ABCG2: variants seen among roughly 807,000 people sequenced by gnomAD.
ABCG2 encodes the protein ATP binding cassette subfamily G member 2 (JR blood group), also known as broad substrate specificity ATP-binding cassette transporter ABCG2.
A neutral mutation model predicts 73.5 loss-of-function variants in ABCG2; 80 were observed. The observed-to-expected ratio is 1.09, with a 90% CI of 0.91 to 1.31. The LOEUF (loss-of-function observed/expected upper bound fraction) is 1.31, where lower values mean the gene tolerates loss of function less well. ABCG2 is among the 50% of genes most tolerant of loss of function. ABCG2 has a pLI of 0.00. For synonymous variants in ABCG2, 269 were observed against 282.4 expected (o/e 0.95, Z 0.48); for missense variants, 796 against 786.2 (o/e 1.01, Z -0.15).
At chr4:88,184,416 A>G (rs1430279951) in intron 1 of ABCG2, among the ~76,000 whole-genome samples, 1 of 152,200 alleles carries the variant, frequency 6.6e-6, no homozygotes, top group Non-Finnish European at 1.5e-5. Flanking sequence ...TCAGTAGCAA[A>G]CAATCTAAAA....
At chr4:88,198,966 A>G (rs114961696) in intron 1 of ABCG2, among the ~76,000 whole-genome samples, 2,089 of 152,048 alleles carry the variant, frequency 0.014, 18 homozygotes, top group Middle Eastern at 0.037. Context: ...GTGTGTGTAT[A>G]TATATATATA....
intron 1 of ABCG2, among the ~76,000 whole-genome samples, chr4:88,230,665 C>T (rs771986554): frequency 6.6e-6 from 1 of 152,096 alleles, no homozygotes; most frequent in Non-Finnish European, 1.5e-5. Flanking sequence ...AGGTGCTCAA[C>T]ATAAATCATG....
chr4:88,095,397 A>G (rs2110172940), intron 14 of ABCG2, 123 bp downstream of exon 14: 2 of 832,454 alleles, frequency 2.4e-6, no homozygotes, highest in East Asian at 5.4e-5. Flanking sequence ...CCTTGCTCCT[A>G]AAAGGGAGTT....
At chr4:88,150,214 G>A (rs189407066) in intron 1 of ABCG2, among the ~76,000 whole-genome samples, 30 of 152,270 alleles carry the variant, frequency 2.0e-4, no homozygotes, top group Non-Finnish European at 1.5e-5. Flanking sequence ...CTACTTGGGA[G>A]ACTGAGGCAC....
At chr4:88,130,900 C>T (rs1724810856) in intron 5 of ABCG2, among the ~76,000 whole-genome samples, 161 bp downstream of exon 5, 1 of 152,104 alleles carries the variant, frequency 6.6e-6, no homozygotes, top group South Asian at 2.1e-4. Flanking sequence ...AGGTTAATTT[C>T]CACGTTCATA....
intron 1 of ABCG2, among the ~76,000 whole-genome samples, chr4:88,140,634 A>G (rs946221348): frequency 6.6e-6 from 1 of 152,034 alleles, no homozygotes; most frequent in Non-Finnish European, 1.5e-5. Context: ...AAACAAAGGG[A>G]AAAAAAAGAA....
intron 1 of ABCG2, among the ~76,000 whole-genome samples, chr4:88,194,549 CAAAAAAAAAAAAAAAAAAAAAAA>C (rs58945293): frequency 7.6e-5 from 4 of 52,554 alleles, no homozygotes; most frequent in Non-Finnish European, 1.2e-4. Context: ...GACTCCGTCT[CAAAAAAAAAAAAAAAAAAAAAAA>C]AAAAAAAAAA....
At chr4:88,169,471 A>C (rs1269120631) in intron 1 of ABCG2, among the ~76,000 whole-genome samples, 1 of 152,126 alleles carries the variant, frequency 6.6e-6, no homozygotes, top group African/African-American at 2.4e-5. Flanking sequence ...TTATGAGTAC[A>C]GTGTAATTTA....
At chr4:88,110,738 A>G (rs1442158056) in intron 9 of ABCG2, among the ~76,000 whole-genome samples, 1 of 152,180 alleles carries the variant, frequency 6.6e-6, no homozygotes, top group African/African-American at 2.4e-5. Context: ...TTCACACTAA[A>G]ACGGTAGAGC....
At chr4:88,104,715 G>C (rs1291985117) in intron 10 of ABCG2, among the ~76,000 whole-genome samples, 1 of 151,788 alleles carries the variant, frequency 6.6e-6, no homozygotes, top group Non-Finnish European at 1.5e-5. Flanking sequence ...ATGAGCCCAG[G>C]AGTTCAAAGC....
chr4:88,097,798 T>C (rs2110178828), intron 12 of ABCG2, among the ~76,000 whole-genome samples, 191 bp from the exon 13 acceptor site: 1 of 152,368 alleles, frequency 6.6e-6, no homozygotes. Flanking sequence ...AGTTCTCTTA[T>C]AACACTTATG....
intron 1 of ABCG2, among the ~76,000 whole-genome samples, chr4:88,148,960 G>C (rs1726247175): frequency 6.6e-6 from 1 of 152,134 alleles, no homozygotes; most frequent in Non-Finnish European, 1.5e-5. Flanking sequence ...TCTTTGAATA[G>C]AAACAAATGA....
At chr4:88,191,884 C>T (rs976860655) in intron 1 of ABCG2, among the ~76,000 whole-genome samples, 3 of 151,978 alleles carry the variant, frequency 2.0e-5, no homozygotes, top group East Asian at 3.8e-4. Context: ...TAATGAAACA[C>T]GCAGAAAGGC....
intron 1 of ABCG2, among the ~76,000 whole-genome samples, chr4:88,141,715 T>TG (rs1351326912): frequency 6.6e-6 from 1 of 152,186 alleles, no homozygotes; most frequent in Non-Finnish European, 1.5e-5. Context: ...GAAGGCTGCC[T>TG]GATTCACGAA....
chr4:88,197,716 G>A (rs1295973553), intron 1 of ABCG2, among the ~76,000 whole-genome samples: 9 of 152,016 alleles, frequency 5.9e-5, no homozygotes, highest in Non-Finnish European at 1.0e-4. Flanking sequence ...GAGGCAGGTG[G>A]ATCAGTCGGG....
chr4:88,186,947 G>C (rs1228451178), intron 1 of ABCG2, among the ~76,000 whole-genome samples: 3 of 147,610 alleles, frequency 2.0e-5, no homozygotes, highest in Non-Finnish European at 4.5e-5. Context: ...AAAAAATTTA[G>C]CCGGGCATGG....
intron 1 of ABCG2, among the ~76,000 whole-genome samples, chr4:88,156,882 A>T (rs970785112): frequency 6.6e-6 from 1 of 152,192 alleles, no homozygotes; most frequent in Admixed American, 6.5e-5. Context: ...AGGCAGGAGG[A>T]TCACTAGAGG....
At position 88,091,679 on chromosome 4, in the gene ABCG2, A is replaced by G. The variant is rs1377479148; in HGVS notation, c.*555T>C. On this transcript the variant is annotated 3_prime_UTR_variant, in exon 16 of 16. Transcript: ENST00000237612. ...CTGAGATATTATACCACTAGACAGGAATATCAGTAAGTTCTATTAACTTTA... is the reference window on the plus strand; with the variant it reads ...CTGAGATATTATACCACTAGACAGGGATATCAGTAAGTTCTATTAACTTTA... The G allele has an allele frequency of 6.6e-6, 1 of 152,318 alleles. No homozygotes were observed. The highest frequency in any genetic ancestry group is 1.5e-5 in the Non-Finnish European group (1 of 68,150). 9.4% of individuals were successfully genotyped at this position (152,318 alleles called of 1,614,324 possible).
upstream of ABCG2, chr4:88,164,090 G>A (rs62310614): frequency 0.073 from 11,088 of 151,124 alleles, 501 homozygotes; most frequent in Middle Eastern, 0.1. Context: ...TTTTTGAGAC[G>A]GAGTCTTGCT....
Sources: allele counts gnomAD v4.1 joint callset (sites outside exome capture counted in the v4.1 genomes callset), GRCh38; gene constraint gnomAD v4.1.1; transcripts MANE v1.5; gene names NCBI Gene and HGNC (gene_info 2026-07-23, HGNC 2026-07-21).